Variants in ABI3BP observed in about 807,000 individuals in gnomAD.
ABI3BP encodes the protein target of Nesh-SH3.
ABI3BP carries 216 observed loss-of-function variants against 268.6 expected under a neutral mutation model. That is an observed-to-expected ratio of 0.80 (90% CI 0.72 to 0.90). The LOEUF is 0.90. ABI3BP is among the 40% of genes least tolerant of loss of function. The pLI, the probability that ABI3BP is intolerant of heterozygous loss-of-function variation, is 0.00. For missense variants in ABI3BP, 2,090 were observed against 2,182.4 expected (o/e 0.96, Z 0.84); for synonymous variants, 730 against 730.0 (o/e 1.00, Z 0.00).
chr3:100,753,871 G>C (rs780616308), intron 64 of ABI3BP, 23 bp from the exon 65 acceptor site: 2 of 1,602,304 alleles, frequency 1.2e-6, no homozygotes, highest in African/African-American at 2.7e-5. Context: ...AAATAGAAAA[G>C]TCAGACCTTA....
intron 1 of ABI3BP, among the ~76,000 whole-genome samples, chr3:100,966,070 A>AT (rs796397542): frequency 6.8e-4 from 104 of 152,334 alleles, no homozygotes; most frequent in African/African-American, 2.3e-3. Context: ...GGAGACCTAC[A>AT]TGAAAGCACG....
chr3:100,789,836 C>T (rs1560116860), intron 55 of ABI3BP, among the ~76,000 whole-genome samples: 1 of 151,938 alleles, frequency 6.6e-6, no homozygotes, highest in Non-Finnish European at 1.5e-5. Flanking sequence ...ACCCATAAGC[C>T]ATCCATCTGT....
At chr3:100,759,210 C>T (rs902823060) in intron 63 of ABI3BP, among the ~76,000 whole-genome samples, 1 of 151,896 alleles carries the variant, frequency 6.6e-6, no homozygotes, top group Non-Finnish European at 1.5e-5. Context: ...CTAGTGTAGT[C>T]GTGAAATATT....
intron 6 of ABI3BP, among the ~76,000 whole-genome samples, chr3:100,878,797 C>T (rs557158968): frequency 2.4e-5 from 2 of 83,332 alleles, no homozygotes; most frequent in South Asian, 8.6e-4. Context: ...GTGCCTGCTC[C>T]AGCAAAAGCG....
At chr3:100,926,253 C>T (rs758446318) in intron 2 of ABI3BP, 49 bp downstream of exon 2, 1 of 1,586,364 alleles carries the variant, frequency 6.3e-7, no homozygotes, top group Admixed American at 1.7e-5. Flanking sequence ...GTTACACCCC[C>T]CCACCTCTTA....
chr3:100,941,920 C>T (rs35509049), intron 1 of ABI3BP, among the ~76,000 whole-genome samples: 15,709 of 151,988 alleles, frequency 0.1, 1,102 homozygotes, highest in Non-Finnish European at 0.15. Context: ...GTTTGAAGTG[C>T]GCTGGGGTTT....
At chr3:100,817,010 A>G (rs1378780703) in intron 42 of ABI3BP, among the ~76,000 whole-genome samples, 5 of 152,012 alleles carry the variant, frequency 3.3e-5, no homozygotes, top group African/African-American at 1.2e-4. Flanking sequence ...CTAGAGCCAA[A>G]CTCTGGATGA....
intron 50 of ABI3BP, among the ~76,000 whole-genome samples, chr3:100,805,985 G>A (rs957235747): frequency 5.3e-5 from 8 of 151,862 alleles, no homozygotes; most frequent in African/African-American, 1.2e-4. Flanking sequence ...ATAATTTTGA[G>A]TTATAAAAAA....
At chr3:100,773,927 T>TG (rs763876630) in intron 61 of ABI3BP, among the ~76,000 whole-genome samples, 1 of 152,112 alleles carries the variant, frequency 6.6e-6, no homozygotes, top group Non-Finnish European at 1.5e-5. Context: ...ACGTAGGCAC[T>TG]GGGGGGTTGA....
In ABI3BP at chr3:100,837,422, T is replaced by G. The variant is rs923892604; in HGVS notation, c.2084-251A>C. 1.7e-4 allele frequency: 62 copies of G among 370,334 alleles called. 1 individual carries two copies. The highest frequency in any genetic ancestry group is 1.1e-3 in the African/African-American group (52 of 47,382). 22.9% of individuals were successfully genotyped at this position (370,334 alleles called of 1,614,324 possible). A position where few individuals can be genotyped will look rare whatever the true frequency, so the allele number is the denominator to read the frequency against. On this transcript the variant is annotated intron_variant, in intron 26 of 67. Coordinates refer to ENST00000471714, the MANE Select transcript of ABI3BP (RefSeq NM_001375547.2). ...TTCTGAGAACTGTTATATAAATATC[T>G]TCTTATGTGGTAGAAAATTACTCAG...
chr3:100,786,489 A>C (rs2097049857), intron 57 of ABI3BP, among the ~76,000 whole-genome samples: 1 of 152,174 alleles, frequency 6.6e-6, no homozygotes, highest in South Asian at 2.1e-4. Context: ...GCATGCTCCT[A>C]ATAAGAATCA....
chr3:100,823,315 A>T (rs2152696674), intron 37 of ABI3BP, 143 bp downstream of exon 37: 1 of 670,348 alleles, frequency 1.5e-6, no homozygotes, highest in Non-Finnish European at 2.3e-6. Flanking sequence ...TGCTTCTCTT[A>T]AAAACAACAG....
intron 45 of ABI3BP, 59 bp from the exon 46 acceptor site, chr3:100,812,582 A>T: frequency 8.9e-7 from 1 of 1,124,806 alleles, no homozygotes; most frequent in South Asian, 3.4e-5. Flanking sequence ...TATTTATAAA[A>T]GTGCTTTGCA....
At chr3:100,845,143 A>G (rs1227698052) in intron 20 of ABI3BP, among the ~76,000 whole-genome samples, 1 of 152,204 alleles carries the variant, frequency 6.6e-6, no homozygotes, top group Non-Finnish European at 1.5e-5. Context: ...CTCTGTTCAA[A>G]ATACAGCATA....
At chr3:100,831,178 T>C (rs2098485492) in intron 31 of ABI3BP, among the ~76,000 whole-genome samples, 1 of 152,150 alleles carries the variant, frequency 6.6e-6, no homozygotes, top group South Asian at 2.1e-4. Flanking sequence ...GACATCTTTT[T>C]AACCAATAAA....
At chr3:100,959,710 T>A (rs1248447495) in intron 1 of ABI3BP, among the ~76,000 whole-genome samples, 2 of 151,952 alleles carry the variant, frequency 1.3e-5, no homozygotes, top group Admixed American at 6.6e-5. Context: ...TTAAAAAAAA[T>A]ACTCTCTGGT....
chr3:100,854,374 A>G (rs1326043505), intron 14 of ABI3BP, among the ~76,000 whole-genome samples: 2 of 152,102 alleles, frequency 1.3e-5, no homozygotes, highest in Admixed American at 6.5e-5. Flanking sequence ...AACAACAAAA[A>G]GAGATGTCGG....
intron 58 of ABI3BP, among the ~76,000 whole-genome samples, chr3:100,778,883 C>G (rs1338427035): frequency 6.6e-6 from 1 of 152,108 alleles, no homozygotes; most frequent in Admixed American, 6.5e-5. Context: ...TGAGGAAAAT[C>G]CTGGGACCAA....
intron 1 of ABI3BP, among the ~76,000 whole-genome samples, chr3:100,969,678 G>GA (rs1318945539): frequency 6.6e-6 from 1 of 151,952 alleles, no homozygotes; most frequent in Non-Finnish European, 1.5e-5. Context: ...ACGTCATCAA[G>GA]AAAAAAAATC....
Sources: gnomAD v4.1 joint callset for allele counts (sites outside exome capture counted in the v4.1 genomes callset) on GRCh38, gnomAD v4.1.1 for gene constraint, MANE v1.5 for transcripts, NCBI Gene and HGNC (gene_info 2026-07-23, HGNC 2026-07-21) for gene names.